The following AZU1 variants were observed in gnomAD, a reference collection of about 807,000 sequenced individuals.
The protein encoded by AZU1 is azurocidin.
In AZU1, 21 loss-of-function variants were observed where a neutral mutation model predicts 17.8. That is an observed-to-expected ratio of 1.18 (90% CI 0.84 to 1.70). The LOEUF (loss-of-function observed/expected upper bound fraction) is 1.70, where lower values mean the gene tolerates loss of function less well. Among genes scored for constraint, AZU1 ranks in the 40% most tolerant of loss-of-function variants. The pLI is 0.00. For synonymous variants in AZU1, 178 were observed against 155.2 expected (o/e 1.15, Z -1.09); for missense variants, 379 against 362.9 (o/e 1.04, Z -0.36).
At chr19:830,069 G>C (rs1164432806) in intron 3 of AZU1, among the ~76,000 whole-genome samples, 1 of 151,792 alleles carries the variant, frequency 6.6e-6, no homozygotes, top group South Asian at 2.1e-4. Context: ...AGACCAGCCT[G>C]GCCAACATGG....
intron 2 of AZU1, among the ~76,000 whole-genome samples, 162 bp from the exon 3 acceptor site, chr19:829,400 C>T (rs926764255): frequency 6.6e-5 from 10 of 151,450 alleles, no homozygotes; most frequent in African/African-American, 2.4e-4. Flanking sequence ...GGGAAGGGGG[C>T]CCTGGAAAGT....
intron 3 of AZU1, among the ~76,000 whole-genome samples, chr19:830,369 ACAGAATCATGTGAATGTTTTT>A (rs2035272767): frequency 6.6e-6 from 1 of 152,212 alleles, no homozygotes; most frequent in African/African-American, 2.4e-5. Flanking sequence ...TTTTGCTATG[ACAGAATCATGTGAATGTTTTT>A]CATGTTTGGT....
At chr19:830,376 CAT>C (rs1404606671) in intron 3 of AZU1, among the ~76,000 whole-genome samples, 6 of 152,258 alleles carry the variant, frequency 3.9e-5, no homozygotes, top group African/African-American at 1.4e-4. Context: ...ATGACAGAAT[CAT>C]GTGAATGTTT....
intron 3 of AZU1, 21 bp from the exon 4 acceptor site, chr19:830,685 CCT>C: frequency 6.5e-7 from 1 of 1,537,416 alleles, no homozygotes; most frequent in East Asian, 2.3e-5. Flanking sequence ...GCCACCCTCC[CCT>C]GACTCCATTT....
intron 3 of AZU1, among the ~76,000 whole-genome samples, chr19:829,936 A>ATGTGTGTGTG (rs59995493): frequency 0.026 from 3,595 of 137,804 alleles, 63 homozygotes; most frequent in South Asian, 0.067. Flanking sequence ...AAAAATATAT[A>ATGTGTGTGTG]TGTGTGTGTG....
Position 831,822 on chromosome 19 carries a change from T to C in AZU1, c.701T>C (p.Leu234Pro). The C allele has an allele frequency of 6.2e-7, 1 of 1,612,706 alleles. No homozygotes were observed. Among genetic ancestry groups the C allele is most frequent in the African/African-American group, 1.3e-5 (1 of 74,996 alleles). Reference protein sequence around the residue: ...RGPDFFTRVALFRDWIDGVLN... With the variant: ...RGPDFFTRVAPFRDWIDGVLN... ...CCTGACTTCTTCACCCGAGTGGCGCTCTTCCGAGACTGGATCGATGGTGTT... is the reference window on the plus strand; with the variant it reads ...CCTGACTTCTTCACCCGAGTGGCGCCCTTCCGAGACTGGATCGATGGTGTT... Residue 234 changes from leucine (L) to proline (P), a missense_variant, in exon 5 of 5, where the codon CTC becomes CCC. Leu to Pro is a moderately conservative substitution (Grantham distance 98). Coordinates refer to ENST00000233997, the MANE Select transcript of AZU1 (RefSeq NM_001700.5).
chr19:830,737 C>G lies in AZU1; in HGVS notation c.390C>G (p.Ser130Arg). ...QLDREANLTS[S>R]VTILPLPLQN... ...ACCGTGAGGCCAACCTCACCAGCAG[C>G]GTGACGATACTGCCACTGCCTCTGC... The change falls in exon 4 of 5, where the codon AGC becomes AGG. Residue 130 changes from serine (S) to arginine (R), a missense_variant. Coordinates refer to ENST00000233997, the MANE Select transcript of AZU1 (RefSeq NM_001700.5). 6.3e-7 allele frequency: 1 copy of G among 1,589,222 alleles called. No individual in the cohort carries two copies. Among genetic ancestry groups the G allele is most frequent in the Non-Finnish European group, 8.5e-7 (1 of 1,172,186 alleles).
intron 4 of AZU1, 135 bp from the exon 5 acceptor site, chr19:831,581 A>C: frequency 2.0e-6 from 2 of 1,010,124 alleles, no homozygotes; most frequent in Non-Finnish European, 2.8e-6. Context: ...GGGCAGAGAA[A>C]GAGAAGAGCC....
rs1281878060 is a variant in AZU1 at position 827,960 on chromosome 19, G to A, written c.58+56G>A. On this transcript the variant is annotated intron_variant, in intron 1 of 4. Coordinates refer to ENST00000233997, the MANE Select transcript of AZU1 (RefSeq NM_001700.5). ...ATCTGTGCTAGGGCCCGGCTGCCAG[G>A]GCAGAACTCAGACTTAAAGCACAGA... is the stretch of plus-strand genomic sequence containing the variant. 3.9e-6 allele frequency: 6 copies of A among 1,532,436 alleles called. No individual in the cohort carries two copies. The African/African-American group carries it at 4.1e-5, about 10-fold the overall frequency. The allele number at this position is 1,532,436 out of a possible 1,614,324, so 94.9% of individuals were successfully genotyped here. A position where few individuals can be genotyped will look rare whatever the true frequency, so the allele number is the denominator to read the frequency against.
Position 831,781 on chromosome 19 carries a change from G to T in AZU1, c.660G>T (p.Gly220=), listed in dbSNP as rs186978911. Residue 220 remains glycine, a synonymous_variant, in exon 5 of 5, where the codon GGG becomes GGT. Transcript: ENST00000233997. ...LAHGVASFSL[G]PCGRGPDFFT... ...ACGGCGTGGCCTCCTTTTCCCTGGGGCCCTGTGGCCGAGGCCCTGACTTCT... is the reference window on the plus strand; with the variant it reads ...ACGGCGTGGCCTCCTTTTCCCTGGGTCCCTGTGGCCGAGGCCCTGACTTCT... 4.0e-5 allele frequency: 65 copies of T among 1,612,740 alleles called. No homozygotes were observed. The highest frequency in any genetic ancestry group is 2.8e-4 in the Admixed American group (17 of 60,008).
rs559722119 is a variant in AZU1, at chr19:831,928, C to A, written c.*51C>A. Reference sequence around the variant, plus strand: ...CCAGCCCCGCCCTCCACACCTCCGGCGCTCCGCACCCACCTCCCACGGCCC... The same window carrying A: ...CCAGCCCCGCCCTCCACACCTCCGGAGCTCCGCACCCACCTCCCACGGCCC... On this transcript the variant is annotated 3_prime_UTR_variant, in exon 5 of 5. Transcript: ENST00000233997. The A allele has an allele frequency of 6.4e-7, 1 of 1,565,288 alleles. No individual in the cohort carries two copies. Among genetic ancestry groups the A allele is most frequent in the Middle Eastern group, 1.8e-4 (1 of 5,522 alleles).
At chr19:829,240 G>T (rs1299957205) in intron 2 of AZU1, among the ~76,000 whole-genome samples, 636 of 143,088 alleles carry the variant, frequency 4.4e-3, no homozygotes, top group African/African-American at 6.2e-3. Context: ...GATAAGGGAA[G>T]GGGCTCAGAT....
In AZU1 at chr19:828,350, G is replaced by A. The variant is rs921017716; in HGVS notation, c.179G>A (p.Arg60His). Residue 60 changes from arginine (R) to histidine (H), a missense_variant, in exon 2 of 5, where the codon CGC becomes CAC. By Grantham distance (29) the Arg-to-His change is conservative. Coordinates refer to ENST00000233997, the MANE Select transcript of AZU1 (RefSeq NM_001700.5). ...HFCGGALIHA[R>H]FVMTAASCFQ... The stretch of plus-strand genomic sequence containing the variant: ...TGCGGGGGTGCCCTGATCCATGCCC[G>A]CTTCGTGATGACCGCGGCCAGCTGC... The A allele has an allele frequency of 1.7e-5, 27 of 1,598,158 alleles. No individual in the cohort carries two copies. Among genetic ancestry groups the A allele is most frequent in the African/African-American group, 2.7e-5 (2 of 74,378 alleles).
chr19:828,811 G>T (rs2035247191), intron 2 of AZU1, among the ~76,000 whole-genome samples: 5 of 143,820 alleles, frequency 3.5e-5, no homozygotes, highest in East Asian at 2.1e-4. Context: ...GAGAAGGGAA[G>T]GGGCTCAGAT....
rs368496402 is a variant in AZU1 at position 830,819 on chromosome 19, C to T, written c.472C>T (p.Arg158Cys). 2.9e-5 allele frequency: 46 copies of T among 1,607,632 alleles called. No homozygotes were observed. The highest frequency in any genetic ancestry group is 3.9e-5 in the Non-Finnish European group (46 of 1,179,930). ...CCAGGTGGCCGGCTGGGGGAGCCAG[C>T]GCAGTGGGGGGCGTCTCTCCCGTTT... ...RCQVAGWGSQ[R>C]SGGRLSRFPR... Residue 158 changes from arginine (R) to cysteine (C), a missense_variant, in exon 4 of 5, where the codon CGC (arginine) becomes TGC (cysteine). By Grantham distance (180) the Arg-to-Cys change is radical. Transcript: ENST00000233997.
chr19:829,784 C>G, intron 3 of AZU1, 78 bp downstream of exon 3: 2 of 1,545,414 alleles, frequency 1.3e-6, no homozygotes, highest in Non-Finnish European at 1.8e-6. Flanking sequence ...CAAACTTGGT[C>G]TCTACAAAAA....
chr19:828,287 C>T lies in AZU1; in HGVS notation c.116C>T (p.Pro39Leu), dbSNP rs773012210. 8.7e-6 allele frequency: 14 copies of T among 1,611,666 alleles called. No individual in the cohort carries two copies. Among genetic ancestry groups the T allele is most frequent in the Middle Eastern group, 1.6e-4 (1 of 6,074 alleles). ...CGGAAGGCGAGGCCCCGCCAGTTCC[C>T]GTTCCTGGCCTCCATTCAGAATCAA... ...GGRKARPRQF[P>L]FLASIQNQGR... Residue 39 changes from proline (P) to leucine (L), a missense_variant, in exon 2 of 5, where the codon CCG (proline) becomes CTG (leucine). By Grantham distance (98) the Pro-to-Leu change is moderately conservative (BLOSUM62 -3). Transcript: ENST00000233997.
In AZU1 at chr19:830,933, A is replaced by C. The variant is rs1461243028; in HGVS notation, c.586A>C (p.Ile196Leu). Residue 196 changes from isoleucine to leucine, a missense_variant, in exon 4 of 5, where the codon ATC becomes CTC. Physicochemically the swap from Ile to Leu is conservative, Grantham distance 5. Transcript: ENST00000233997. ...CTGVLTRRGG[I>L]CNGDGGTPLV... is the part of the protein sequence containing the mutation. ...CGGTGTGCTCACCCGCCGCGGTGGC[A>C]TCTGCAATGTGAGTGCTCCCTGTGG... 6.2e-7 allele frequency: 1 copy of C among 1,601,286 alleles called. No individual in the cohort carries two copies. Among genetic ancestry groups the C allele is most frequent in the Middle Eastern group, 1.7e-4 (1 of 6,060 alleles).
In AZU1 at chr19:831,805, C is replaced by T; in HGVS notation, c.684C>T (p.Phe228=). 2 of 1,612,818 alleles carry T rather than the reference C, an allele frequency of 1.2e-6. No individual in the cohort carries two copies. The highest frequency in any genetic ancestry group is 1.7e-6 in the Non-Finnish European group (2 of 1,179,846). Reference sequence around the variant, plus strand: ...GGCCCTGTGGCCGAGGCCCTGACTTCTTCACCCGAGTGGCGCTCTTCCGAG... The same window carrying T: ...GGCCCTGTGGCCGAGGCCCTGACTTTTTCACCCGAGTGGCGCTCTTCCGAG... The part of the protein sequence containing the change: ...SLGPCGRGPD[F]FTRVALFRDW... The change falls in exon 5 of 5, where the codon TTC becomes TTT. Residue 228 remains phenylalanine (F), a synonymous_variant. Coordinates refer to ENST00000233997, the MANE Select transcript of AZU1 (RefSeq NM_001700.5).
Sources: gnomAD v4.1 joint callset for allele counts (sites outside exome capture counted in the v4.1 genomes callset) on GRCh38, gnomAD v4.1.1 for gene constraint, MANE v1.5 for transcripts, NCBI Gene and HGNC (gene_info 2026-07-23, HGNC 2026-07-21) for gene names.